Variants in INSL6 observed in about 807,000 individuals in gnomAD.
INSL6 encodes the protein insulin like 6.
INSL6 carries 16 observed loss-of-function variants against 9.4 expected under a neutral mutation model. The ratio of observed to expected loss-of-function variants is 1.70; its 90% confidence interval spans 1.15 to 2.59. The LOEUF is 2.59. Ranked by LOEUF, INSL6 falls within the 30% of genes most tolerant of loss-of-function variation. The probability of loss-of-function intolerance (pLI) is 0.00; values close to 1 mark genes in which losing one functional copy is unlikely to be tolerated. For synonymous variants in INSL6, 154 were observed against 96.9 expected (o/e 1.59, Z -3.46); for missense variants, 391 against 257.3 (o/e 1.52, Z -3.56).
At chr9:5,065,783 A>G in the INSL6 span, among the ~76,000 whole-genome samples, 1 of 152,094 alleles carries the variant, frequency 6.6e-6, no homozygotes, top group Non-Finnish European at 1.5e-5. Flanking sequence ...GATTTGAATA[A>G]CTCGAGCAAA....
At chr9:5,002,021 C>CTTT in the INSL6 span, among the ~76,000 whole-genome samples, 1 of 151,766 alleles carries the variant, frequency 6.6e-6, no homozygotes, top group East Asian at 1.9e-4. Flanking sequence ...CGATATCCTG[C>CTTT]TTTTTTTACA....
In INSL6 at chr9:5,167,611, G is replaced by C. The variant is rs142782085; in HGVS notation, c.290-3346C>G. On this transcript the variant is annotated intron_variant, in intron 1 of 1. Transcript: ENST00000381641. Reference sequence around the variant, plus strand: ...GTGGAGGGTTTATGGATAGAACTCTGATATCCCTGAGAAGAGGCTCTAGGA... The same window carrying C: ...GTGGAGGGTTTATGGATAGAACTCTCATATCCCTGAGAAGAGGCTCTAGGA... Among the ~76,000 whole-genome samples the C allele has an allele frequency of 1.1e-3, 168 of 152,316 alleles. 2 individuals carry two copies. In the East Asian group the frequency reaches 0.013, roughly 12 times the overall value.
chr9:5,026,780 G>C, the INSL6 span, among the ~76,000 whole-genome samples: 1 of 152,142 alleles, frequency 6.6e-6, no homozygotes, highest in Admixed American at 6.5e-5. Context: ...TTATTTACTT[G>C]TGTGGTTTAG....
chr9:5,076,275 T>C, the INSL6 span, among the ~76,000 whole-genome samples: 9 of 152,306 alleles, frequency 5.9e-5, no homozygotes, highest in Admixed American at 5.9e-4. Flanking sequence ...TGTAAAGTTC[T>C]ACTGTGGGTA....
chr9:5,042,124 C>CTTTTTT, the INSL6 span, among the ~76,000 whole-genome samples: 36 of 107,606 alleles, frequency 3.3e-4, 1 homozygote, highest in African/African-American at 8.1e-4. Flanking sequence ...GCCAAAATTT[C>CTTTTTT]TTTTTTTTTT....
chr9:5,013,847 A>C, the INSL6 span, among the ~76,000 whole-genome samples: 1 of 152,166 alleles, frequency 6.6e-6, no homozygotes, highest in East Asian at 1.9e-4. Flanking sequence ...AATTGGGAGG[A>C]ACAGCGGAAA....
chr9:5,182,342 T>G (rs1825476111), intron 1 of INSL6, among the ~76,000 whole-genome samples: 1 of 151,978 alleles, frequency 6.6e-6, no homozygotes, highest in Admixed American at 6.5e-5. Flanking sequence ...TTGCAAAAAC[T>G]TATAAAAACA....
intron 3 of INSL6, chr9:5,131,929 G>T (rs962769581): frequency 6.6e-6 from 1 of 152,064 alleles, no homozygotes; most frequent in African/African-American, 2.4e-5. Flanking sequence ...TTTTTTAAAG[G>T]CTGTTATAAA....
At chr9:5,122,134 C>G (rs1329983274), downstream of INSL6, among the ~76,000 whole-genome samples, 1 of 152,086 alleles carries the variant, frequency 6.6e-6, no homozygotes, top group African/African-American at 2.4e-5. Flanking sequence ...GATTAGGAAA[C>G]TTAAATGGGA....
At chr9:5,111,262 GCA>G in the INSL6 span, 1 of 505,440 alleles carries the variant, frequency 2.0e-6, no homozygotes, top group Non-Finnish European at 3.8e-6. Flanking sequence ...GCAGGCGTGC[GCA>G]GCCTGACTCA....
chr9:5,081,712 T>G, the INSL6 span: 1 of 1,567,712 alleles, frequency 6.4e-7, no homozygotes, highest in Non-Finnish European at 8.8e-7. Flanking sequence ...GATAATATTC[T>G]TTATTTCTCC....
At chr9:5,161,854 AG>A (rs1229595789), downstream of INSL6, among the ~76,000 whole-genome samples, 2 of 152,048 alleles carry the variant, frequency 1.3e-5, no homozygotes, top group East Asian at 3.9e-4. Context: ...CCAAGGTGGG[AG>A]GATCACTTGA....
chr9:5,115,786 T>C, the INSL6 span, among the ~76,000 whole-genome samples: 5 of 152,280 alleles, frequency 3.3e-5, no homozygotes, highest in African/African-American at 1.2e-4. Context: ...CTAGAAACCA[T>C]AATTCTCAGC....
chr9:5,134,754 C>T (rs868482359), intron 2 of INSL6, among the ~76,000 whole-genome samples: 4 of 152,110 alleles, frequency 2.6e-5, no homozygotes, highest in Admixed American at 6.5e-5. Flanking sequence ...TAAAGACCAT[C>T]GACACTATGA....
At chr9:5,111,972 G>A in the INSL6 span, 3 of 352,270 alleles carry the variant, frequency 8.5e-6, no homozygotes, top group Admixed American at 7.1e-5. Context: ...CTCCACCGCC[G>A]TGGGCTCCCC....
the INSL6 span, among the ~76,000 whole-genome samples, chr9:5,050,130 A>G: frequency 1.5e-4 from 23 of 152,292 alleles, no homozygotes; most frequent in African/African-American, 4.6e-4. Context: ...GGTAATTTTT[A>G]TGTAGAAGAT....
chr9:5,106,624 A>G, the INSL6 span, among the ~76,000 whole-genome samples: 1 of 152,216 alleles, frequency 6.6e-6, no homozygotes, highest in Non-Finnish European at 1.5e-5. Context: ...GGCACTATTC[A>G]CAATAGCAAA....
chr9:5,097,753 A>G, the INSL6 span: 1 of 152,188 alleles, frequency 6.6e-6, no homozygotes, highest in Non-Finnish European at 1.5e-5. Flanking sequence ...ATCACTAGAT[A>G]TTATTTTACA....
chr9:5,099,514 A>C, the INSL6 span: 4 of 152,162 alleles, frequency 2.6e-5, no homozygotes, highest in Non-Finnish European at 4.4e-5. Flanking sequence ...TTATCCCTAC[A>C]CCAAAAATAA....
Sources: gnomAD v4.1 joint callset for allele counts (sites outside exome capture counted in the v4.1 genomes callset) on GRCh38, gnomAD v4.1.1 for gene constraint, MANE v1.5 for transcripts, NCBI Gene and HGNC (gene_info 2026-07-23, HGNC 2026-07-21) for gene names.